Variants in ZNF568 observed in about 807,000 individuals in gnomAD.
ZNF568 encodes zinc finger protein 568, also known as p53 inhibitor of SCO2 activation.
Under a neutral mutation model 18.1 loss-of-function variants are expected in ZNF568, and 11 were observed. The ratio of observed to expected loss-of-function variants is 0.61; its 90% confidence interval spans 0.38 to 1.00. The LOEUF (loss-of-function observed/expected upper bound fraction) is 1.00. Ranked by LOEUF, ZNF568 falls within the 50% of genes least tolerant of loss-of-function variation. ZNF568 has a pLI of 0.01. For synonymous variants in ZNF568, 213 were observed against 246.6 expected, an observed-to-expected ratio of 0.86 and a Z score of 1.28; for missense variants, 639 against 768.2, an observed-to-expected ratio of 0.83 and a Z score of 1.99.
intron 2 of ZNF568, among the ~76,000 whole-genome samples, chr19:36,990,687 A>G (rs2074416238): frequency 6.6e-6 from 1 of 152,164 alleles, no homozygotes; most frequent in South Asian, 2.1e-4. Flanking sequence ...AACTTCTCCA[A>G]CCTACTTCCT....
At chr19:36,997,026 T>C (rs2074481057) in exon 5 of ZNF568, 1 of 1,561,492 alleles carries the variant, frequency 6.4e-7, no homozygotes, top group African/African-American at 1.4e-5. Flanking sequence ...AAAGAATCCA[T>C]ACGGGTGAGA....
chr19:36,942,944 A>C (rs2073908322), intron 6 of ZNF568, among the ~76,000 whole-genome samples: 1 of 152,200 alleles, frequency 6.6e-6, no homozygotes, highest in Non-Finnish European at 1.5e-5. Flanking sequence ...GGATCCAAAT[A>C]AAATCTGCAC....
downstream of ZNF568, among the ~76,000 whole-genome samples, chr19:36,956,600 AC>A (rs67692391): frequency 0.22 from 32,417 of 150,648 alleles, 3,423 homozygotes; most frequent in South Asian, 0.3. Context: ...TTTAAAAAAA[AC>A]TTTTTTTTTT....
chr19:36,997,725 T>G (rs1346976370), downstream of ZNF568: 6 of 753,012 alleles, frequency 8.0e-6, no homozygotes, highest in East Asian at 1.6e-4. Context: ...AATGAAGAAA[T>G]GAGGGATGGC....
Position 36,991,218 on chromosome 19 carries a change from G to T in ZNF568, c.52G>T (p.Glu18Ter). ...TGTGGTCATTTACTTCTCTCAAAAG[G>T]AGTGGGAATGCTTGCACTCTGCTCA... Residue 18 changes from glutamate (E) to a stop codon, truncating the protein, a stop_gained, in exon 3 of 5, where the codon GAG becomes TAG. Transcript: ENST00000433993. LOFTEE classifies it high-confidence loss of function. The T allele has an allele frequency of 6.5e-7, 1 of 1,536,428 alleles. No homozygotes were observed. Among genetic ancestry groups the T allele is most frequent in the South Asian group, 1.2e-5 (1 of 84,018 alleles).
intron 6 of ZNF568, among the ~76,000 whole-genome samples, 191 bp from the exon 7 acceptor site, chr19:36,949,321 C>T (rs1178065324): frequency 6.6e-6 from 1 of 152,136 alleles, no homozygotes; most frequent in African/African-American, 2.4e-5. Flanking sequence ...GTTTTTGTCT[C>T]CATATGTTTT....
In ZNF568 at chr19:36,937,280, C is replaced by T. The variant is rs540588169; in HGVS notation, c.358+38C>T. Reference sequence around the variant, plus strand: ...AAAGCAGCTCTGAATGAGAAAGCCACATGAGAGTTGTTCAGTGAAGGGTTG... The same window carrying T: ...AAAGCAGCTCTGAATGAGAAAGCCATATGAGAGTTGTTCAGTGAAGGGTTG... On this transcript the variant is annotated intron_variant, in intron 6 of 6. Transcript: ENST00000333987. 9.0e-6 allele frequency: 14 copies of T among 1,557,320 alleles called. No individual in the cohort carries two copies. The African/African-American group carries it at 1.5e-4, about 17-fold the overall frequency.
chr19:36,950,103 A>G lies in ZNF568; in HGVS notation c.950A>G (p.Gln317Arg), dbSNP rs774697313. 6.2e-7 allele frequency: 1 copy of G among 1,613,946 alleles called. No individual in the cohort carries two copies. The highest frequency in any genetic ancestry group is 2.2e-5 in the East Asian group (1 of 44,862). The change falls in exon 7 of 7, where the codon CAG (glutamine) becomes CGG (arginine). Residue 317 changes from glutamine to arginine, a missense_variant. Gln to Arg is a conservative substitution (Grantham distance 43, BLOSUM62 1). Coordinates refer to ENST00000333987, the MANE Select transcript of ZNF568 (RefSeq NM_198539.4). ...ACKDCWKAFS[Q>R]KSNLIEHERI... ...AAGGATTGTTGGAAAGCCTTCAGTC[A>G]GAAATCAAATCTCATTGAACATGAG...
chr19:36,996,274 C>A (rs1024356992), intron 4 of ZNF568: 2 of 1,402,924 alleles, frequency 1.4e-6, no homozygotes, highest in Non-Finnish European at 1.9e-6. Context: ...CTTTGTCCTG[C>A]AATGTGAAAA....
chr19:36,932,968 T>G (rs558260866), intron 4 of ZNF568, among the ~76,000 whole-genome samples: 13 of 152,200 alleles, frequency 8.5e-5, no homozygotes, highest in Non-Finnish European at 1.3e-4. Flanking sequence ...TATCCTATCC[T>G]CTGGGTTGTC....
chr19:36,957,447 G>A (rs1226627098), downstream of ZNF568, among the ~76,000 whole-genome samples: 1 of 152,024 alleles, frequency 6.6e-6, no homozygotes, highest in Non-Finnish European at 1.5e-5. Flanking sequence ...GGCCAGGCTG[G>A]TCTTGAACTC....
intron 6 of ZNF568, among the ~76,000 whole-genome samples, chr19:36,941,261 T>C (rs185890020): frequency 6.6e-6 from 1 of 152,266 alleles, no homozygotes; most frequent in Admixed American, 6.5e-5. Flanking sequence ...ACTAATGATG[T>C]AGGAATGTTA....
downstream of ZNF568, among the ~76,000 whole-genome samples, chr19:36,983,615 A>G (rs2074349975): frequency 6.6e-6 from 1 of 152,128 alleles, no homozygotes; most frequent in Non-Finnish European, 1.5e-5. Context: ...TTAGTATCTA[A>G]ATATTCTGTT....
intron 4 of ZNF568, among the ~76,000 whole-genome samples, chr19:36,930,014 A>G (rs1252229593): frequency 6.7e-6 from 1 of 150,070 alleles, no homozygotes. Flanking sequence ...CTGTGAATTT[A>G]TGTTTTTTAA....
chr19:36,994,948 C>A (rs889833760), intron 4 of ZNF568, among the ~76,000 whole-genome samples: 8 of 152,128 alleles, frequency 5.3e-5, no homozygotes, highest in Admixed American at 2.6e-4. Flanking sequence ...CCGCGCCCGG[C>A]CAAAATATCC....
chr19:36,963,771 A>G (rs2074172689), intron 6 of ZNF568, among the ~76,000 whole-genome samples: 1 of 152,090 alleles, frequency 6.6e-6, no homozygotes, highest in African/African-American at 2.4e-5. Flanking sequence ...GATTGAGACC[A>G]TCCTAGCCAA....
chr19:36,920,978 A>G (rs980607289), intron 2 of ZNF568, among the ~76,000 whole-genome samples: 3 of 152,162 alleles, frequency 2.0e-5, no homozygotes, highest in Non-Finnish European at 4.4e-5. Flanking sequence ...GTAACATGCC[A>G]TACAGGTTCG....
At chr19:36,943,586 A>T (rs1450174334) in intron 6 of ZNF568, among the ~76,000 whole-genome samples, 7 of 151,430 alleles carry the variant, frequency 4.6e-5, no homozygotes, top group African/African-American at 9.7e-5. Context: ...TTATTATTAT[A>T]ATATTGAAGA....
chr19:36,948,658 ATTTTTTTT>A (rs4069585), intron 6 of ZNF568, among the ~76,000 whole-genome samples: 36 of 83,566 alleles, frequency 4.3e-4, no homozygotes, highest in African/African-American at 1.1e-3. Context: ...TTTGTTGTTG[ATTTTTTTT>A]TTTTTTTTTT....
Sources: allele counts gnomAD v4.1 joint callset (sites outside exome capture counted in the v4.1 genomes callset), GRCh38; gene constraint gnomAD v4.1.1; transcripts MANE v1.5; gene names NCBI Gene and HGNC (gene_info 2026-07-23, HGNC 2026-07-21).